The following FAM120B variants were observed in gnomAD, a reference collection of about 807,000 sequenced individuals.
FAM120B encodes family with sequence similarity 120 member B, also known as constitutive coactivator of peroxisome proliferator-activated receptor gamma.
A neutral mutation model predicts 96.3 loss-of-function variants in FAM120B; 83 were observed. The observed-to-expected ratio is 0.86, with a 90% CI of 0.72 to 1.03. The LOEUF is 1.03. FAM120B is among the 50% of genes least tolerant of loss of function. The pLI, the probability that FAM120B is intolerant of heterozygous loss-of-function variation, is 0.00. For synonymous variants in FAM120B, 407 were observed against 402.7 expected, an observed-to-expected ratio of 1.01 and a Z score of -0.13; for missense variants, 1,027 against 1,121.2, an observed-to-expected ratio of 0.92 and a Z score of 1.20.
At chr6:170,398,287 T>A (rs1451100127) in intron 9 of FAM120B, among the ~76,000 whole-genome samples, 3 of 152,248 alleles carry the variant, frequency 2.0e-5, no homozygotes, top group African/African-American at 7.2e-5. Flanking sequence ...GGGTGAGACA[T>A]TAGTAAAGTG....
chr6:170,371,295 G>A (rs967512873), intron 6 of FAM120B, among the ~76,000 whole-genome samples: 1 of 152,090 alleles, frequency 6.6e-6, no homozygotes, highest in Non-Finnish European at 1.5e-5. Flanking sequence ...GTGTTTCCCA[G>A]GTTCTCAGTG....
intron 6 of FAM120B, 146 bp downstream of exon 6, chr6:170,358,464 G>A (rs944155968): frequency 6.2e-6 from 4 of 641,914 alleles, no homozygotes; most frequent in African/African-American, 1.8e-5. Context: ...GTTTGTCTTC[G>A]TCTCTTTAAT....
intron 4 of FAM120B, among the ~76,000 whole-genome samples, chr6:170,344,695 C>T (rs566569125): frequency 2.0e-5 from 3 of 152,222 alleles, no homozygotes; most frequent in Non-Finnish European, 4.4e-5. Flanking sequence ...TTCCCCTAAT[C>T]GTTGCGTGGA....
At position 170,370,199 on chromosome 6, in the gene FAM120B, G is replaced by T. The variant is rs769835649; in HGVS notation, c.2283+11881G>T. Among the ~76,000 whole-genome samples, 20 of 152,204 alleles carry T rather than the reference G, an allele frequency of 1.3e-4. No individual in the cohort carries two copies. The highest frequency in any genetic ancestry group is 2.8e-4 in the Non-Finnish European group (19 of 68,036). On this transcript the variant is annotated intron_variant, in intron 6 of 10. Coordinates refer to ENST00000476287, the MANE Select transcript of FAM120B (RefSeq NM_032448.3). The surrounding 1 kb of genome is among the most constrained non-coding windows in gnomAD (Gnocchi z 4.3). ...CTGCACCTCACAGACTTCCCCAGCG[G>T]GGCGGCCCCCAGGCCTTGTGTCCTC...
At chr6:170,294,019 C>T (rs531976315), upstream of FAM120B, among the ~76,000 whole-genome samples, 19 of 152,284 alleles carry the variant, frequency 1.2e-4, no homozygotes, top group Admixed American at 2.0e-4. This position sits in a 1 kb window ranked among gnomAD's most constrained non-coding sequence, Gnocchi z 7.9. Context: ...CGCCTTTAGA[C>T]GCCATCAGCC....
intron 4 of FAM120B, among the ~76,000 whole-genome samples, chr6:170,338,881 A>C (rs550830844): frequency 3.6e-4 from 53 of 145,716 alleles, no homozygotes; most frequent in African/African-American, 1.2e-3. Flanking sequence ...CATTTGGTAA[A>C]TATTCCGCCA....
upstream of FAM120B, among the ~76,000 whole-genome samples, chr6:170,305,341 GTGC>G (rs1205807631): frequency 1.3e-5 from 2 of 152,164 alleles, no homozygotes; most frequent in Non-Finnish European, 2.9e-5. Flanking sequence ...TCAGCAATAG[GTGC>G]TGAACACCAT....
intron 1 of FAM120B, among the ~76,000 whole-genome samples, chr6:170,310,752 A>G (rs714869): frequency 0.12 from 18,641 of 152,178 alleles, 1,222 homozygotes; most frequent in East Asian, 0.2. Flanking sequence ...CACTTAGACA[A>G]TTGAGTACAT....
chr6:170,359,635 C>T lies in FAM120B; in HGVS notation c.2283+1317C>T, dbSNP rs78978517. On this transcript the variant is annotated intron_variant, in intron 6 of 10. Coordinates refer to ENST00000476287, the MANE Select transcript of FAM120B (RefSeq NM_032448.3). ...ATGTGTGTGTGTGGAGACGACATCT[C>T]ATTATGTTGCCCAGGCTGGTCTCAG... Among the ~76,000 whole-genome samples the T allele has an allele frequency of 8.8e-3, 1,343 of 152,200 alleles. 67 individuals are homozygous for T. In the East Asian group the frequency reaches 0.11, roughly 12 times the overall value.
rs779913856 is a variant in FAM120B at position 170,318,566 on chromosome 6, T to C, written c.1176T>C (p.Cys392=). The change falls in exon 2 of 11, where the codon TGT becomes TGC. Residue 392 remains cysteine, a synonymous_variant. Transcript: ENST00000476287. ...DPEPRQEVPT[C]TGPESRREVP... ...AACCCAGGCAAGAAGTTCCCACGTG[T>C]ACAGGCCCTGAATCCAGGCGAGAAG... is the stretch of plus-strand genomic sequence containing the variant. 6.7e-7 allele frequency: 1 copy of C among 1,487,380 alleles called. No individual in the cohort carries two copies. Among genetic ancestry groups the C allele is most frequent in the Non-Finnish European group, 9.1e-7 (1 of 1,103,770 alleles). 92.1% of individuals were successfully genotyped at this position (1,487,380 alleles called of 1,614,324 possible).
chr6:170,331,367 G>A (rs1468787262), intron 4 of FAM120B, among the ~76,000 whole-genome samples: 4 of 152,162 alleles, frequency 2.6e-5, no homozygotes, highest in East Asian at 1.9e-4. Context: ...TGACATGAAC[G>A]TGTAATTTAC....
intron 4 of FAM120B, among the ~76,000 whole-genome samples, chr6:170,342,144 G>A (rs923812145): frequency 2.0e-5 from 3 of 152,126 alleles, no homozygotes; most frequent in African/African-American, 7.2e-5. Context: ...CGTGTCTCCA[G>A]TTTTCTGAGT....
rs1394759592 is a variant in FAM120B at position 170,370,596 on chromosome 6, G to C, written c.2283+12278G>C. ...AATATTACCCTCTGATCCTGTACCT[G>C]TCATTGTGGGATGTCCTAAATGACT... is the stretch of plus-strand genomic sequence containing the variant. On this transcript the variant is annotated intron_variant, in intron 6 of 10. Transcript: ENST00000476287. The surrounding 1 kb of genome is among the most constrained non-coding windows in gnomAD (Gnocchi z 4.3). Among the ~76,000 whole-genome samples the C allele has an allele frequency of 6.6e-6, 1 of 152,082 alleles. No homozygotes were observed. The highest frequency in any genetic ancestry group is 1.5e-5 in the Non-Finnish European group (1 of 68,018).
At chr6:170,402,691 G>C (rs866634682) in intron 9 of FAM120B, among the ~76,000 whole-genome samples, 12 of 152,190 alleles carry the variant, frequency 7.9e-5, no homozygotes, top group Middle Eastern at 3.2e-3. Flanking sequence ...CCAGGTGTAG[G>C]GTTCCCTTCT....
At chr6:170,304,393 G>A (rs1482045076), upstream of FAM120B, among the ~76,000 whole-genome samples, 1 of 152,170 alleles carries the variant, frequency 6.6e-6, no homozygotes, top group South Asian at 2.1e-4. Flanking sequence ...ATGCTGTGGC[G>A]ATGTGCCTTG....
intron 1 of FAM120B, among the ~76,000 whole-genome samples, chr6:170,309,100 G>A (rs1178591720): frequency 2.0e-4 from 30 of 152,032 alleles, no homozygotes; most frequent in Admixed American, 2.0e-3. Context: ...TGGAAACTAG[G>A]GTTATACACT....
At chr6:170,338,445 T>A (rs577725910) in intron 4 of FAM120B, among the ~76,000 whole-genome samples, 1 of 152,362 alleles carries the variant, frequency 6.6e-6, no homozygotes, top group East Asian at 1.9e-4. Context: ...TGCGTTTTAC[T>A]TCCATTTATG....
chr6:170,355,856 T>A (rs1473013656), intron 5 of FAM120B, among the ~76,000 whole-genome samples: 1 of 152,244 alleles, frequency 6.6e-6, no homozygotes, highest in East Asian at 1.9e-4. Flanking sequence ...TGAGTCATAG[T>A]GGGACTTGAG....
At chr6:170,319,224 G>A in intron 2 of FAM120B, 100 bp downstream of exon 2, 1 of 1,187,882 alleles carries the variant, frequency 8.4e-7, no homozygotes, top group South Asian at 1.5e-5. Context: ...TGGCCACTGA[G>A]AGGATGCACA....
Sources: gnomAD v4.1 joint callset for allele counts (sites outside exome capture counted in the v4.1 genomes callset) on GRCh38, gnomAD v4.1.1 for gene constraint, Gnocchi (gnomAD v3.1) non-coding constraint, MANE v1.5 for transcripts, NCBI Gene and HGNC (gene_info 2026-07-23, HGNC 2026-07-21) for gene names.